PPM1H: variants seen among roughly 807,000 people sequenced by gnomAD.
PPM1H encodes protein phosphatase, Mg2+/Mn2+ dependent 1H.
PPM1H carries 27 observed loss-of-function variants against 54.9 expected under a neutral mutation model. That is an observed-to-expected ratio of 0.49 (90% CI 0.36 to 0.68). The LOEUF (loss-of-function observed/expected upper bound fraction) is 0.68, where lower values mean the gene tolerates loss of function less well. Among genes scored for constraint, PPM1H ranks in the 30% least tolerant of loss-of-function variants. The pLI is 0.00. For missense variants in PPM1H, 596 were observed against 667.8 expected, an observed-to-expected ratio of 0.89 and a Z score of 1.19; for synonymous variants, 305 against 270.8, an observed-to-expected ratio of 1.13 and a Z score of -1.24.
At chr12:62,686,453 G>A (rs189022222) in intron 8 of PPM1H, among the ~76,000 whole-genome samples, 61 of 152,316 alleles carry the variant, frequency 4.0e-4, no homozygotes, top group Non-Finnish European at 7.4e-4. Context: ...TGCCTCTCTT[G>A]TAAGGGGGAG....
chr12:62,879,568 C>T (rs1870314707), intron 1 of PPM1H, among the ~76,000 whole-genome samples: 1 of 151,982 alleles, frequency 6.6e-6, no homozygotes, highest in Non-Finnish European at 1.5e-5. Context: ...ACAATGAGAA[C>T]ACATGGACAC....
intron 2 of PPM1H, among the ~76,000 whole-genome samples, chr12:62,825,219 TAA>T (rs1868277311): frequency 6.6e-6 from 1 of 152,210 alleles, no homozygotes; most frequent in South Asian, 2.1e-4. Context: ...GAGAGGCGAT[TAA>T]AAAGTCAGGA....
intron 1 of PPM1H, among the ~76,000 whole-genome samples, chr12:62,916,060 A>T (rs183795692): frequency 6.6e-6 from 1 of 152,276 alleles, no homozygotes; most frequent in Non-Finnish European, 1.5e-5. Flanking sequence ...CATGTGATCA[A>T]TGCCTTCATC....
Position 62,761,807 on chromosome 12 carries a change from G to C in PPM1H, c.870-24221C>G, listed in dbSNP as rs74098832. On this transcript the variant is annotated intron_variant, in intron 4 of 9. Coordinates refer to ENST00000228705, the MANE Select transcript of PPM1H (RefSeq NM_020700.2). ...GTCATTCTAGGCCACAGCACTCATG[G>C]GGGCATGATCTGCCTTAATTTTACC... 5.7e-3 allele frequency among the ~76,000 whole-genome samples: 868 copies of C among 152,310 alleles called. 8 individuals are homozygous for C. Among genetic ancestry groups the C allele is most frequent in the African/African-American group, 0.02 (817 of 41,552 alleles).
intron 1 of PPM1H, among the ~76,000 whole-genome samples, chr12:62,866,092 G>A (rs568754795): frequency 1.2e-4 from 19 of 152,318 alleles, no homozygotes; most frequent in Non-Finnish European, 2.2e-4. Flanking sequence ...TGTGGGAGGG[G>A]TGTCATTGGA....
intron 1 of PPM1H, among the ~76,000 whole-genome samples, chr12:62,848,079 A>C (rs1456465843): frequency 2.0e-5 from 3 of 152,164 alleles, no homozygotes; most frequent in African/African-American, 2.4e-5. Flanking sequence ...CATGAGGAAA[A>C]ATTTTTCTTC....
At chr12:62,862,491 T>C (rs915664465) in intron 1 of PPM1H, among the ~76,000 whole-genome samples, 9 of 152,246 alleles carry the variant, frequency 5.9e-5, no homozygotes, top group Non-Finnish European at 1.3e-4. Flanking sequence ...ATATGATCCT[T>C]AGGCCTCTTT....
intron 2 of PPM1H, among the ~76,000 whole-genome samples, chr12:62,804,744 C>T (rs1301565949): frequency 2.2e-5 from 3 of 137,980 alleles, no homozygotes; most frequent in Non-Finnish European, 3.0e-5. Context: ...GGCGGGATCT[C>T]GGCTCACTGC....
At chr12:62,748,599 T>A (rs76345509) in intron 4 of PPM1H, among the ~76,000 whole-genome samples, 12 of 150,928 alleles carry the variant, frequency 8.0e-5, no homozygotes, top group Admixed American at 2.0e-4. Flanking sequence ...CATCTACCCT[T>A]TCTGGGTTGT....
At chr12:62,813,593 T>A (rs1362980524) in intron 2 of PPM1H, among the ~76,000 whole-genome samples, 2 of 152,202 alleles carry the variant, frequency 1.3e-5, no homozygotes, top group African/African-American at 2.4e-5. Context: ...GTTAAAAAAA[T>A]TTCTGCAAAG....
chr12:62,865,404 G>C (rs1869741023), intron 1 of PPM1H, among the ~76,000 whole-genome samples: 1 of 152,018 alleles, frequency 6.6e-6, no homozygotes, highest in South Asian at 2.1e-4. Context: ...TGTCTCTCTA[G>C]TCTCCACATG....
At chr12:62,678,361 G>A (rs1420629560) in intron 8 of PPM1H, among the ~76,000 whole-genome samples, 2 of 152,214 alleles carry the variant, frequency 1.3e-5, no homozygotes, top group Admixed American at 1.3e-4. Context: ...TTTTTCAGGA[G>A]GGGATCAGAG....
intron 6 of PPM1H, among the ~76,000 whole-genome samples, chr12:62,697,933 T>C (rs1427032565): frequency 6.6e-6 from 1 of 152,144 alleles, no homozygotes; most frequent in Non-Finnish European, 1.5e-5. Flanking sequence ...AATGAGTATT[T>C]ATGAGGCCAA....
intron 1 of PPM1H, among the ~76,000 whole-genome samples, chr12:62,852,034 G>C (rs536653728): frequency 6.6e-6 from 1 of 151,988 alleles, no homozygotes; most frequent in African/African-American, 2.4e-5. Context: ...TTCGAGACCA[G>C]CCTGACCAAT....
At chr12:62,698,670 C>A (rs2076126978) in intron 6 of PPM1H, among the ~76,000 whole-genome samples, 1 of 151,900 alleles carries the variant, frequency 6.6e-6, no homozygotes, top group African/African-American at 2.4e-5. Flanking sequence ...TTGGGCCTTG[C>A]ATTTTTTAAA....
intron 4 of PPM1H, among the ~76,000 whole-genome samples, chr12:62,775,129 C>T (rs561780777): frequency 5.9e-5 from 9 of 152,238 alleles, no homozygotes; most frequent in East Asian, 1.9e-4. Context: ...GATAGAGGGA[C>T]GGGAGGATGG....
chr12:62,736,288 C>T (rs1387541317), intron 5 of PPM1H, among the ~76,000 whole-genome samples: 24 of 151,816 alleles, frequency 1.6e-4, no homozygotes. Context: ...AACTGTCCAG[C>T]TGGTAACACA....
chr12:62,720,359 A>C, intron 5 of PPM1H, 70 bp from the exon 6 acceptor site: 1 of 1,260,280 alleles, frequency 7.9e-7, no homozygotes, highest in Non-Finnish European at 1.1e-6. Flanking sequence ...AGAATCAAGG[A>C]TGTTTTGCAA....
chr12:62,712,770 A>T (rs1199647027), intron 6 of PPM1H, among the ~76,000 whole-genome samples: 1 of 152,164 alleles, frequency 6.6e-6, no homozygotes, highest in South Asian at 2.1e-4. Context: ...CCAAAGAGGG[A>T]CACTGTCCCT....
Sources: allele counts gnomAD v4.1 joint callset (sites outside exome capture counted in the v4.1 genomes callset), GRCh38; gene constraint gnomAD v4.1.1; transcripts MANE v1.5; gene names NCBI Gene and HGNC (gene_info 2026-07-23, HGNC 2026-07-21).